The following LRRTM4 variants were observed in gnomAD, a reference collection of about 807,000 sequenced individuals.
LRRTM4 encodes leucine-rich repeat transmembrane neuronal protein 4.
Under a neutral mutation model 47.6 loss-of-function variants are expected in LRRTM4, and 25 were observed. That is an observed-to-expected ratio of 0.53 (90% CI 0.38 to 0.73). The LOEUF is 0.73. LRRTM4 is among the 30% of genes least tolerant of loss of function. LRRTM4 has a pLI of 0.00. For missense variants in LRRTM4, 638 were observed against 713.4 expected, an observed-to-expected ratio of 0.89 and a Z score of 1.20; for synonymous variants, 311 against 269.5, an observed-to-expected ratio of 1.15 and a Z score of -1.51.
At chr2:77,014,644 T>C (rs1039709102) in intron 3 of LRRTM4, among the ~76,000 whole-genome samples, 1 of 151,836 alleles carries the variant, frequency 6.6e-6, no homozygotes, top group African/African-American at 2.4e-5. Flanking sequence ...AAACCCTGTC[T>C]TTACTAAAAA....
Position 76,748,785 on chromosome 2 carries a change from G to A in LRRTM4, c.1683C>T (p.Pro561=), listed in dbSNP as rs1015500834. ...TGTGGTCTCGGCCCAGCTCCAGGCC[G>A]GGGCTTTCGTCCTGCTCTGGAGACA... ...ETVSPEQDES[P]GLELGRDHSF... Residue 561 remains proline, a synonymous_variant, in exon 4 of 4, where the codon CCC becomes CCT. Coordinates refer to ENST00000409884, the MANE Select transcript of LRRTM4 (RefSeq NM_001134745.3). The A allele has an allele frequency of 1.2e-6, 2 of 1,613,970 alleles. No homozygotes were observed. The highest frequency in any genetic ancestry group is 8.5e-7 in the Non-Finnish European group (1 of 1,179,882).
At position 76,889,511 on chromosome 2, in the gene LRRTM4, T is replaced by C. The variant is rs1380764794; in HGVS notation, c.1552-140595A>G. On this transcript the variant is annotated intron_variant, in intron 3 of 3. Transcript: ENST00000409884. ...TTCAAGATTATTACTGTTCAGTATTTGATTTATATGAGTTTGAAAAATGAA... is the reference window on the plus strand; with the variant it reads ...TTCAAGATTATTACTGTTCAGTATTCGATTTATATGAGTTTGAAAAATGAA... Among the ~76,000 whole-genome samples, 3 of 151,946 alleles carry C rather than the reference T, an allele frequency of 2.0e-5. No individual in the cohort carries two copies. The East Asian group carries it at 5.8e-4, about 29-fold the overall frequency.
chr2:77,449,221 G>T (rs962558215), intron 3 of LRRTM4, among the ~76,000 whole-genome samples: 9 of 152,184 alleles, frequency 5.9e-5, no homozygotes, highest in Non-Finnish European at 8.8e-5. Context: ...TTTACATTAA[G>T]AAATCCAAAC....
At chr2:76,779,476 T>C (rs1321684262) in intron 3 of LRRTM4, among the ~76,000 whole-genome samples, 1 of 146,756 alleles carries the variant, frequency 6.8e-6, no homozygotes, top group Non-Finnish European at 1.5e-5. Context: ...TTAGGATAGT[T>C]AGCTCTTCTT....
At chr2:77,521,242 C>G (rs1291145664) in intron 2 of LRRTM4, among the ~76,000 whole-genome samples, 1 of 151,794 alleles carries the variant, frequency 6.6e-6, no homozygotes, top group Non-Finnish European at 1.5e-5. Flanking sequence ...TAAAACAAGC[C>G]CTTGTGCAAC....
At chr2:77,220,448 A>C (rs556548069) in intron 3 of LRRTM4, among the ~76,000 whole-genome samples, 1 of 152,324 alleles carries the variant, frequency 6.6e-6, no homozygotes, top group Non-Finnish European at 1.5e-5. Context: ...AAAGAAGTTA[A>C]AAACGTTGAA....
intron 3 of LRRTM4, among the ~76,000 whole-genome samples, chr2:76,763,972 G>T (rs1051015924): frequency 6.6e-6 from 1 of 152,150 alleles, no homozygotes; most frequent in Non-Finnish European, 1.5e-5. Flanking sequence ...ATTCTGGTCA[G>T]GTCTCAGACA....
chr2:77,004,318 G>A (rs553780092), intron 3 of LRRTM4, among the ~76,000 whole-genome samples: 4 of 152,256 alleles, frequency 2.6e-5, no homozygotes, highest in South Asian at 4.1e-4. Context: ...TGCAGCCTAC[G>A]TACTTGGTCC....
At chr2:77,111,079 A>T (rs76000287) in intron 3 of LRRTM4, among the ~76,000 whole-genome samples, 1 of 151,966 alleles carries the variant, frequency 6.6e-6, no homozygotes, top group African/African-American at 2.4e-5. Context: ...CTCATGAGTG[A>T]AAGGAAGTAC....
intron 3 of LRRTM4, among the ~76,000 whole-genome samples, chr2:77,213,658 G>A (rs1001922864): frequency 6.6e-6 from 1 of 152,136 alleles, no homozygotes; most frequent in Non-Finnish European, 1.5e-5. Flanking sequence ...TCTTTGCACA[G>A]TGGGTGACTG....
chr2:77,474,506 G>A (rs755949837), intron 3 of LRRTM4, among the ~76,000 whole-genome samples: 4 of 151,954 alleles, frequency 2.6e-5, no homozygotes, highest in Admixed American at 1.3e-4. Context: ...TCAAGAGTAA[G>A]GTTGGAATAG....
At position 77,522,201 on chromosome 2, in the gene LRRTM4, G is replaced by T; in HGVS notation, c.-240C>A. On this transcript the variant is annotated 5_prime_UTR_variant, in exon 1 of 4. Coordinates refer to ENST00000409884, the MANE Select transcript of LRRTM4 (RefSeq NM_001134745.3). ...TTCTTGAAGCAAGTAGGCCTCCTGTGCTGTATGAGACCCCAGTTTAAAAGC... is the reference window on the plus strand; with the variant it reads ...TTCTTGAAGCAAGTAGGCCTCCTGTTCTGTATGAGACCCCAGTTTAAAAGC... 1.4e-6 allele frequency: 1 copy of T among 705,688 alleles called. No individual in the cohort carries two copies. The allele number at this position is 705,688 out of a possible 1,614,324, so 43.7% of individuals were successfully genotyped here.
chr2:76,863,106 T>A (rs888299046), intron 3 of LRRTM4, among the ~76,000 whole-genome samples: 11 of 152,130 alleles, frequency 7.2e-5, no homozygotes, highest in Non-Finnish European at 1.6e-4. Flanking sequence ...ACCCACAGCT[T>A]TCATTCAAAC....
intron 3 of LRRTM4, among the ~76,000 whole-genome samples, chr2:77,301,595 A>C (rs191466019): frequency 6.6e-6 from 1 of 152,160 alleles, no homozygotes; most frequent in African/African-American, 2.4e-5. Flanking sequence ...TGCTAAAACT[A>C]TCACATTAAT....
chr2:77,495,219 A>C lies in LRRTM4; in HGVS notation c.1551+23099T>G, dbSNP rs74799905. Among the ~76,000 whole-genome samples, 713 of 152,172 alleles carry C rather than the reference A, an allele frequency of 4.7e-3. 5 individuals are homozygous for C. Among genetic ancestry groups the C allele is most frequent in the African/African-American group, 0.017 (695 of 41,532 alleles). On this transcript the variant is annotated intron_variant, in intron 3 of 3. Coordinates refer to ENST00000409884, the MANE Select transcript of LRRTM4 (RefSeq NM_001134745.3). ...ATGTTTAACTTTAATCAACTGCCAA[A>C]TGGCTTTCCAAAATGATTTTTACAA...
At chr2:76,975,668 T>A in intron 3 of LRRTM4, among the ~76,000 whole-genome samples, 1 of 151,726 alleles carries the variant, frequency 6.6e-6, no homozygotes, top group East Asian at 1.9e-4. Context: ...GGAACTACTC[T>A]ACTAGGTAGA....
chr2:77,089,890 T>C (rs1308173995), intron 3 of LRRTM4, among the ~76,000 whole-genome samples: 1 of 152,142 alleles, frequency 6.6e-6, no homozygotes, highest in Non-Finnish European at 1.5e-5. Flanking sequence ...TGTCCAGGCA[T>C]TCTTTTACAC....
chr2:77,288,012 A>G (rs1016609316), intron 3 of LRRTM4, among the ~76,000 whole-genome samples: 1 of 152,084 alleles, frequency 6.6e-6, no homozygotes, highest in African/African-American at 2.4e-5. Flanking sequence ...GGAAAAACAA[A>G]CAAAAGGCAG....
chr2:77,421,805 A>G (rs972929096), intron 3 of LRRTM4, among the ~76,000 whole-genome samples: 5 of 152,204 alleles, frequency 3.3e-5, no homozygotes, highest in African/African-American at 1.2e-4. Context: ...AACCGTCAAT[A>G]ACACCAGGGT....
Sources: allele counts gnomAD v4.1 joint callset (sites outside exome capture counted in the v4.1 genomes callset), GRCh38; gene constraint gnomAD v4.1.1; transcripts MANE v1.5; gene names NCBI Gene and HGNC (gene_info 2026-07-23, HGNC 2026-07-21).